The following CAMTA1 variants were observed in gnomAD, a reference collection of about 807,000 sequenced individuals.
The protein encoded by CAMTA1 is calmodulin binding transcription activator 1, also known as calmodulin-binding transcription activator 1.
CAMTA1 carries 27 observed loss-of-function variants against 170.9 expected under a neutral mutation model. The observed-to-expected ratio is 0.16, with a 90% CI of 0.12 to 0.22. The LOEUF is 0.22. Among genes scored for constraint, CAMTA1 ranks in the 10% least tolerant of loss-of-function variants. The pLI is 1.00. For synonymous variants in CAMTA1, 833 were observed against 891.5 expected (o/e 0.93, Z 1.17); for missense variants, 1,619 against 2,217.2 (o/e 0.73, Z 5.42).
chr1:7,629,498 G>A (rs768806229), intron 6 of CAMTA1, among the ~76,000 whole-genome samples: 5 of 152,016 alleles, frequency 3.3e-5, no homozygotes, highest in Non-Finnish European at 7.3e-5. Flanking sequence ...TGTGTAGTTT[G>A]ATTGTGCTAA....
chr1:7,319,967 G>T (rs143136485), intron 5 of CAMTA1, among the ~76,000 whole-genome samples: 4 of 152,202 alleles, frequency 2.6e-5, no homozygotes, highest in Admixed American at 6.5e-5. Context: ...CAGCATCCTT[G>T]CTAAATTTAT....
Position 7,333,280 on chromosome 1 carries a change from C to T in CAMTA1, c.438+83654C>T, listed in dbSNP as rs59254905. Among the ~76,000 whole-genome samples the T allele has an allele frequency of 0.11, 16,098 of 152,194 alleles. 932 individuals are homozygous for T. Among genetic ancestry groups the T allele is most frequent in the African/African-American group, 0.14 (6,002 of 41,514 alleles). ...GCTTCCCTGTCGAGGTTGGGCTCTG[C>T]AAGCTTTGGCAATTGACATGAGTTG... is the stretch of plus-strand genomic sequence containing the variant. On this transcript the variant is annotated intron_variant, in intron 5 of 22. Transcript: ENST00000303635. The surrounding 1 kb of genome is among the most constrained non-coding windows in gnomAD (Gnocchi z 4.4).
chr1:7,125,761 G>A (rs1292673223), intron 4 of CAMTA1, among the ~76,000 whole-genome samples: 1 of 152,144 alleles, frequency 6.6e-6, no homozygotes, highest in Non-Finnish European at 1.5e-5. Flanking sequence ...GCCCCTGAGG[G>A]CCTCATACAT....
At chr1:7,048,492 G>A (rs536589475) in intron 3 of CAMTA1, among the ~76,000 whole-genome samples, 11 of 152,342 alleles carry the variant, frequency 7.2e-5, no homozygotes, top group South Asian at 6.2e-4. Context: ...AGCGTCTGCT[G>A]TTGGCTTTGG....
chr1:7,233,801 G>A (rs534832926), intron 4 of CAMTA1, among the ~76,000 whole-genome samples: 4 of 152,184 alleles, frequency 2.6e-5, no homozygotes, highest in South Asian at 4.2e-4. Flanking sequence ...TCTGGAAGGC[G>A]CCTCTCCCCG....
At chr1:7,269,981 A>C (rs1669456190) in intron 5 of CAMTA1, among the ~76,000 whole-genome samples, 1 of 152,152 alleles carries the variant, frequency 6.6e-6, no homozygotes, top group South Asian at 2.1e-4. Flanking sequence ...CAAAGATAAG[A>C]ATTACCACTG....
intron 5 of CAMTA1, among the ~76,000 whole-genome samples, chr1:7,380,940 TGAGCCA>T (rs2087252245): frequency 6.6e-6 from 1 of 152,168 alleles, no homozygotes; most frequent in Admixed American, 6.5e-5. Context: ...GCACTCACTC[TGAGCCA>T]GACTCTGTGC....
At chr1:7,556,326 C>T (rs1467363830) in intron 6 of CAMTA1, among the ~76,000 whole-genome samples, 2 of 152,092 alleles carry the variant, frequency 1.3e-5, no homozygotes, top group East Asian at 3.9e-4. Flanking sequence ...CCTTTGCTAT[C>T]TCTAGGAATT....
intron 1 of CAMTA1, chr1:6,807,073 A>G: frequency 1.5e-6 from 1 of 657,474 alleles, no homozygotes. Context: ...TTCAGCTGGG[A>G]CTCAGTGCTG....
At chr1:7,419,995 C>T (rs1158478904) in intron 5 of CAMTA1, among the ~76,000 whole-genome samples, 1 of 152,182 alleles carries the variant, frequency 6.6e-6, no homozygotes, top group Non-Finnish European at 1.5e-5. Flanking sequence ...CCATTGGCCC[C>T]CGTGGTCTCT....
intron 3 of CAMTA1, among the ~76,000 whole-genome samples, chr1:7,026,453 G>C (rs1179138090): frequency 2.0e-5 from 3 of 152,196 alleles, no homozygotes; most frequent in African/African-American, 7.2e-5. Flanking sequence ...AGCAGGTCTG[G>C]ATTTCCTGCT....
intron 4 of CAMTA1, among the ~76,000 whole-genome samples, chr1:7,205,877 G>C (rs1657641966): frequency 6.6e-6 from 1 of 152,012 alleles, no homozygotes; most frequent in Non-Finnish European, 1.5e-5. Flanking sequence ...GATTCATTTA[G>C]AATTCATTCT....
intron 6 of CAMTA1, among the ~76,000 whole-genome samples, chr1:7,516,143 T>C (rs974992183): frequency 6.6e-6 from 1 of 152,122 alleles, no homozygotes; most frequent in African/African-American, 2.4e-5. Context: ...ACTTTGTAAG[T>C]CTCCACCGCT....
At chr1:7,148,100 ACAC>A (rs1274843665) in intron 4 of CAMTA1, among the ~76,000 whole-genome samples, 2 of 151,754 alleles carry the variant, frequency 1.3e-5, no homozygotes, top group East Asian at 3.9e-4. Context: ...ACTCAAACAT[ACAC>A]CACACACACG....
intron 5 of CAMTA1, among the ~76,000 whole-genome samples, chr1:7,281,079 G>A (rs1346368473): frequency 6.6e-6 from 1 of 152,158 alleles, no homozygotes; most frequent in Non-Finnish European, 1.5e-5. Context: ...GGCAAATATG[G>A]ACATATTCTC....
intron 6 of CAMTA1, among the ~76,000 whole-genome samples, chr1:7,627,207 G>T (rs2095639489): frequency 6.6e-6 from 1 of 152,148 alleles, no homozygotes; most frequent in Non-Finnish European, 1.5e-5. Flanking sequence ...TTTTATGTTT[G>T]GACAAGAATG....
At chr1:7,103,921 T>TACAC in intron 4 of CAMTA1, among the ~76,000 whole-genome samples, 1 of 117,008 alleles carries the variant, frequency 8.5e-6, no homozygotes, top group Non-Finnish European at 1.7e-5. Context: ...CACTCACACA[T>TACAC]ACACACAACT....
At chr1:7,423,963 T>C (rs993773477) in intron 5 of CAMTA1, among the ~76,000 whole-genome samples, 7 of 152,220 alleles carry the variant, frequency 4.6e-5, no homozygotes, top group Non-Finnish European at 1.0e-4. Context: ...CACCTCTTTC[T>C]GGCTTTAGGG....
chr1:7,016,822 C>T lies in CAMTA1; in HGVS notation c.235-74482C>T, dbSNP rs907638437. ...CTGCACTCCAGCCTGAGTGACAGAG[C>T]GAGCCTGTCTCAAAAGAAGAAAAAA... On this transcript the variant is annotated intron_variant, in intron 3 of 22. Transcript: ENST00000303635. Among the ~76,000 whole-genome samples, 25 of 150,394 alleles carry T rather than the reference C, an allele frequency of 1.7e-4. No individual in the cohort carries two copies. The South Asian group carries it at 1.9e-3, about 11-fold the overall frequency.
Sources: gnomAD v4.1 joint callset for allele counts (sites outside exome capture counted in the v4.1 genomes callset) on GRCh38, gnomAD v4.1.1 for gene constraint, Gnocchi (gnomAD v3.1) non-coding constraint, MANE v1.5 for transcripts, NCBI Gene and HGNC (gene_info 2026-07-23, HGNC 2026-07-21) for gene names.